Variants in MAGI2 observed in about 807,000 individuals in gnomAD.
The protein encoded by MAGI2 is membrane-associated guanylate kinase, WW and PDZ domain-containing protein 2.
Under a neutral mutation model 133.3 loss-of-function variants are expected in MAGI2, and 35 were observed. That is an observed-to-expected ratio of 0.26 (90% CI 0.20 to 0.35). The LOEUF (loss-of-function observed/expected upper bound fraction) is 0.35. Ranked by LOEUF, MAGI2 falls within the 10% of genes least tolerant of loss-of-function variation. The probability of loss-of-function intolerance (pLI) is 1.00; values close to 1 mark genes in which losing one functional copy is unlikely to be tolerated. For missense variants in MAGI2, 1,636 were observed against 1,863.4 expected (o/e 0.88, Z 2.25); for synonymous variants, 729 against 710.6 (o/e 1.03, Z -0.41).
chr7:79,352,403 C>G (rs2069132), intron 1 of MAGI2, among the ~76,000 whole-genome samples: 1 of 152,074 alleles, frequency 6.6e-6, no homozygotes, highest in Non-Finnish European at 1.5e-5. Context: ...TTCTAAAAGT[C>G]CTGGTTTTCT....
intron 2 of MAGI2, among the ~76,000 whole-genome samples, chr7:78,940,109 A>G (rs1800852648): frequency 6.6e-6 from 1 of 152,198 alleles, no homozygotes; most frequent in South Asian, 2.1e-4. Context: ...GTCCATAGAT[A>G]CACATTTCCA....
intron 13 of MAGI2, among the ~76,000 whole-genome samples, chr7:78,180,572 G>A (rs1198061279): frequency 6.6e-6 from 1 of 152,122 alleles, no homozygotes; most frequent in East Asian, 1.9e-4. Context: ...ACAGAGACAC[G>A]AATAAGGCAT....
At chr7:79,315,148 T>A (rs1838605019) in intron 1 of MAGI2, among the ~76,000 whole-genome samples, 1 of 146,352 alleles carries the variant, frequency 6.8e-6, no homozygotes, top group East Asian at 2.0e-4. Context: ...AACAGTAGTA[T>A]AAACTAGATT....
chr7:78,252,941 CAA>C (rs752962551), intron 10 of MAGI2: 13,807 of 83,610 alleles, frequency 0.17, 680 homozygotes, highest in East Asian at 0.32. Flanking sequence ...ACTCTGTCTC[CAA>C]AAAAAAAAAA....
At chr7:78,263,190 G>C (rs764130654) in intron 9 of MAGI2, among the ~76,000 whole-genome samples, 3 of 152,136 alleles carry the variant, frequency 2.0e-5, no homozygotes, top group Non-Finnish European at 4.4e-5. Context: ...GGCATTATAT[G>C]TACCACATTT....
chr7:79,427,746 G>C (rs533785821), intron 1 of MAGI2, among the ~76,000 whole-genome samples: 28 of 152,264 alleles, frequency 1.8e-4, no homozygotes, highest in Non-Finnish European at 3.2e-4. Context: ...AGGTTGTGCA[G>C]TACGGAAAAA....
intron 9 of MAGI2, among the ~76,000 whole-genome samples, chr7:78,308,543 T>G (rs1798430351): frequency 6.6e-6 from 1 of 152,108 alleles, no homozygotes; most frequent in Non-Finnish European, 1.5e-5. Flanking sequence ...TTTTTTCTTT[T>G]TTTTTCTGGA....
intron 20 of MAGI2, among the ~76,000 whole-genome samples, chr7:78,086,696 G>A (rs187462382): frequency 1.3e-5 from 2 of 150,492 alleles, no homozygotes; most frequent in East Asian, 2.0e-4. Flanking sequence ...GTGTAGTGGC[G>A]TGACCTCGGC....
At chr7:78,517,878 A>G (rs951812335) in intron 4 of MAGI2, among the ~76,000 whole-genome samples, 3 of 152,146 alleles carry the variant, frequency 2.0e-5, no homozygotes, top group African/African-American at 7.2e-5. Context: ...TAACATTGAT[A>G]ATGTTAGCAG....
intron 2 of MAGI2, among the ~76,000 whole-genome samples, chr7:78,819,437 T>C (rs995915273): frequency 1.3e-5 from 2 of 152,128 alleles, no homozygotes; most frequent in East Asian, 3.8e-4. Flanking sequence ...AACCTTTTTC[T>C]AGGTTTATCG....
At chr7:79,437,406 G>GT (rs1379104877) in intron 1 of MAGI2, among the ~76,000 whole-genome samples, 1 of 151,988 alleles carries the variant, frequency 6.6e-6, no homozygotes, top group Non-Finnish European at 1.5e-5. Flanking sequence ...TCTTTAAGGT[G>GT]TACAGGATGG....
intron 2 of MAGI2, among the ~76,000 whole-genome samples, chr7:78,798,178 G>T (rs1342851995): frequency 6.6e-6 from 1 of 152,118 alleles, no homozygotes; most frequent in African/African-American, 2.4e-5. Flanking sequence ...CTGCATTCTG[G>T]ATTGGCAATA....
intron 11 of MAGI2, among the ~76,000 whole-genome samples, chr7:78,199,431 A>G (rs2150753152): frequency 6.6e-6 from 1 of 152,350 alleles, no homozygotes; most frequent in South Asian, 2.1e-4. Context: ...AGCACCTTAC[A>G]TGGATTAACT....
intron 1 of MAGI2, among the ~76,000 whole-genome samples, chr7:79,312,418 C>T (rs760135549): frequency 1.3e-5 from 2 of 152,148 alleles, no homozygotes; most frequent in African/African-American, 4.8e-5. Context: ...AATGCTTCCC[C>T]TGGGAACCTT....
At chr7:79,137,526 C>G (rs906669425) in intron 1 of MAGI2, among the ~76,000 whole-genome samples, 3 of 149,068 alleles carry the variant, frequency 2.0e-5, no homozygotes, top group African/African-American at 4.9e-5. Context: ...GATCTCAGCT[C>G]ACTGCAACCT....
intron 1 of MAGI2, among the ~76,000 whole-genome samples, chr7:79,430,228 C>T (rs900628400): frequency 6.6e-6 from 1 of 152,020 alleles, no homozygotes; most frequent in Non-Finnish European, 1.5e-5. Context: ...TTAGTTATTT[C>T]TTTACTTTAT....
At chr7:78,458,206 G>A (rs1452618285) in intron 6 of MAGI2, among the ~76,000 whole-genome samples, 3 of 148,250 alleles carry the variant, frequency 2.0e-5, no homozygotes, top group African/African-American at 4.9e-5. Context: ...TGAGGCAGGA[G>A]AATCACTTGA....
chr7:79,295,110 G>A (rs1423003928), intron 1 of MAGI2, among the ~76,000 whole-genome samples: 3 of 151,990 alleles, frequency 2.0e-5, no homozygotes, highest in Non-Finnish European at 4.4e-5. Context: ...TTTCTTGATG[G>A]AGTTTTATTT....
At chr7:78,845,682 G>T (rs1017763949) in intron 2 of MAGI2, among the ~76,000 whole-genome samples, 1 of 151,958 alleles carries the variant, frequency 6.6e-6, no homozygotes, top group African/African-American at 2.4e-5. Flanking sequence ...ATGTCAAAGG[G>T]AATGGATAGA....
Sources: gnomAD v4.1 joint callset for allele counts (sites outside exome capture counted in the v4.1 genomes callset) on GRCh38, gnomAD v4.1.1 for gene constraint, MANE v1.5 for transcripts, NCBI Gene and HGNC (gene_info 2026-07-23, HGNC 2026-07-21) for gene names.